GALNTL6: variants seen among roughly 807,000 people sequenced by gnomAD.
GALNTL6 encodes polypeptide N-acetylgalactosaminyltransferase-like 6.
A neutral mutation model predicts 73.7 loss-of-function variants in GALNTL6; 46 were observed. The observed-to-expected ratio is 0.62, with a 90% CI of 0.49 to 0.80. The LOEUF (loss-of-function observed/expected upper bound fraction) is 0.80. GALNTL6 is among the 30% of genes least tolerant of loss of function. The pLI, the probability that GALNTL6 is intolerant of heterozygous loss-of-function variation, is 0.00. For missense variants in GALNTL6, 604 were observed against 755.0 expected (o/e 0.80, Z 2.34); for synonymous variants, 259 against 263.7 (o/e 0.98, Z 0.17).
chr4:172,882,249 T>G (rs1358752333), intron 7 of GALNTL6, among the ~76,000 whole-genome samples: 1 of 152,190 alleles, frequency 6.6e-6, no homozygotes, highest in Non-Finnish European at 1.5e-5. Context: ...TTTGGCACAT[T>G]AAACAACTAA....
intron 5 of GALNTL6, among the ~76,000 whole-genome samples, chr4:172,735,822 C>T (rs150956382): frequency 0.039 from 5,898 of 152,074 alleles, 151 homozygotes; most frequent in South Asian, 0.13. Flanking sequence ...AAGTGTCGGC[C>T]GGTCTGAGAA....
chr4:173,012,333 GC>G (rs931502194), intron 11 of GALNTL6, among the ~76,000 whole-genome samples: 4 of 151,952 alleles, frequency 2.6e-5, no homozygotes, highest in Non-Finnish European at 5.9e-5. Context: ...CACCTCCCTC[GC>G]CCCACCTCAC....
intron 3 of GALNTL6, among the ~76,000 whole-genome samples, chr4:172,269,791 G>A (rs1017249595): frequency 1.9e-4 from 28 of 149,700 alleles, no homozygotes; most frequent in African/African-American, 5.9e-4. Flanking sequence ...TCACTTTGTC[G>A]CCCAGGCTGG....
At chr4:172,700,291 T>A (rs1158317864) in intron 5 of GALNTL6, among the ~76,000 whole-genome samples, 1 of 152,054 alleles carries the variant, frequency 6.6e-6, no homozygotes, top group Non-Finnish European at 1.5e-5. Context: ...TGAAGAAAAA[T>A]GCAGTGGACA....
At chr4:172,094,180 T>C (rs1732285684) in intron 2 of GALNTL6, among the ~76,000 whole-genome samples, 1 of 152,158 alleles carries the variant, frequency 6.6e-6, no homozygotes, top group African/African-American at 2.4e-5. Flanking sequence ...GAACAGTACA[T>C]ATTTACTAAC....
At chr4:172,018,293 G>T (rs1741273073) in intron 2 of GALNTL6, among the ~76,000 whole-genome samples, 1 of 152,068 alleles carries the variant, frequency 6.6e-6, no homozygotes, top group East Asian at 1.9e-4. Context: ...TAAGTCTTTT[G>T]TGTTTGGCAA....
At chr4:172,546,904 C>CA (rs769710019) in intron 5 of GALNTL6, among the ~76,000 whole-genome samples, 26 of 148,416 alleles carry the variant, frequency 1.8e-4, no homozygotes, top group Non-Finnish European at 2.7e-4. Flanking sequence ...GCATTAAGCA[C>CA]ACTCACATTG....
intron 5 of GALNTL6, among the ~76,000 whole-genome samples, chr4:172,606,741 A>G (rs1424885955): frequency 4.1e-5 from 6 of 145,722 alleles, no homozygotes; most frequent in Admixed American, 2.1e-4. Context: ...CTATTGCAGT[A>G]GTGAAGAATG....
At chr4:172,568,888 T>A (rs2110944119) in intron 5 of GALNTL6, among the ~76,000 whole-genome samples, 1 of 152,156 alleles carries the variant, frequency 6.6e-6, no homozygotes, top group South Asian at 2.1e-4. Context: ...TAAACTTTCT[T>A]AAAACATTAT....
chr4:172,967,350 CTAAAA>C (rs1278264592), intron 10 of GALNTL6, among the ~76,000 whole-genome samples: 4 of 152,138 alleles, frequency 2.6e-5, no homozygotes, highest in African/African-American at 9.7e-5. Context: ...CAAAGAGAAA[CTAAAA>C]TAACAAGATA....
intron 2 of GALNTL6, among the ~76,000 whole-genome samples, chr4:171,939,950 C>T (rs1043887142): frequency 3.3e-5 from 5 of 152,016 alleles, no homozygotes; most frequent in African/African-American, 7.2e-5. Flanking sequence ...AGTAGACTTC[C>T]GATGAGGAAG....
intron 3 of GALNTL6, among the ~76,000 whole-genome samples, chr4:172,256,407 A>C (rs1268016971): frequency 6.6e-6 from 1 of 151,532 alleles, no homozygotes; most frequent in Non-Finnish European, 1.5e-5. Flanking sequence ...ATATATTCAA[A>C]CCATAGCTCA....
chr4:172,636,341 C>G (rs1238832223), intron 5 of GALNTL6, among the ~76,000 whole-genome samples: 1 of 152,188 alleles, frequency 6.6e-6, no homozygotes, highest in Non-Finnish European at 1.5e-5. Context: ...AGACTGAATA[C>G]TGGTGTCCCA....
At chr4:172,700,037 G>A (rs1733939204) in intron 5 of GALNTL6, among the ~76,000 whole-genome samples, 2 of 151,982 alleles carry the variant, frequency 1.3e-5, no homozygotes, top group Non-Finnish European at 2.9e-5. Context: ...TATGCATAAG[G>A]ATTTATCAAA....
intron 5 of GALNTL6, among the ~76,000 whole-genome samples, chr4:172,630,514 G>T (rs1021656072): frequency 1.3e-5 from 2 of 152,014 alleles, no homozygotes; most frequent in African/African-American, 4.8e-5. Context: ...ACAGAAACTG[G>T]AGGGGAAAAA....
chr4:172,545,375 G>A (rs1193091428), intron 5 of GALNTL6, among the ~76,000 whole-genome samples: 1 of 152,162 alleles, frequency 6.6e-6, no homozygotes, highest in Non-Finnish European at 1.5e-5. Flanking sequence ...TTTCAGTGTT[G>A]CTAACTATAG....
intron 5 of GALNTL6, among the ~76,000 whole-genome samples, chr4:172,533,278 G>T (rs778634351): frequency 6.9e-6 from 1 of 145,498 alleles, no homozygotes; most frequent in Non-Finnish European, 1.5e-5. Flanking sequence ...ATCCCAAAGT[G>T]CTGAGATTAC....
At chr4:172,314,498 TA>T (rs972192586) in intron 4 of GALNTL6, among the ~76,000 whole-genome samples, 3 of 150,936 alleles carry the variant, frequency 2.0e-5, no homozygotes, top group South Asian at 2.1e-4. Context: ...CACATTTAGT[TA>T]AAAAAAATCA....
intron 2 of GALNTL6, among the ~76,000 whole-genome samples, chr4:172,184,106 T>C (rs971491274): frequency 1.3e-5 from 2 of 152,182 alleles, no homozygotes; most frequent in African/African-American, 4.8e-5. Context: ...TATTTTTTAA[T>C]GCTGTTTGTA....
Sources: allele counts gnomAD v4.1 joint callset (sites outside exome capture counted in the v4.1 genomes callset), GRCh38; gene constraint gnomAD v4.1.1; transcripts MANE v1.5; gene names NCBI Gene and HGNC (gene_info 2026-07-23, HGNC 2026-07-21).